OR9Q1: variants seen among roughly 807,000 people sequenced by gnomAD.
The protein encoded by OR9Q1 is olfactory receptor family 9 subfamily Q member 1.
For missense variants in OR9Q1, 374 were observed against 378.8 expected (o/e 0.99, Z 0.11); for synonymous variants, 153 against 148.6 (o/e 1.03, Z -0.22).
rs147796936 is a variant in OR9Q1, at chr11:58,072,009, C to T, written c.-15+16062C>T. On this transcript the variant is annotated intron_variant, in intron 2 of 2. Coordinates refer to ENST00000335397, the MANE Select transcript of OR9Q1 (RefSeq NM_001005212.4). ...AAATAATCAGTACAACAGACCCTTACGACATGAGTTTACCTATGTAACAAA... is the reference window on the plus strand; with the variant it reads ...AAATAATCAGTACAACAGACCCTTATGACATGAGTTTACCTATGTAACAAA... 8.1e-4 allele frequency among the ~76,000 whole-genome samples: 123 copies of T among 152,208 alleles called. 1 individual carries two copies. Among genetic ancestry groups the T allele is most frequent in the African/African-American group, 2.3e-3 (94 of 41,516 alleles).
At chr11:58,109,982 A>G (rs1011652474) in intron 2 of OR9Q1, among the ~76,000 whole-genome samples, 5 of 152,166 alleles carry the variant, frequency 3.3e-5, no homozygotes, top group Non-Finnish European at 7.4e-5. Context: ...CCTCTGTGCT[A>G]GAATAATCTC....
At chr11:58,055,270 A>G (rs1219575521) in intron 1 of OR9Q1, among the ~76,000 whole-genome samples, 3 of 152,132 alleles carry the variant, frequency 2.0e-5, no homozygotes, top group Non-Finnish European at 4.4e-5. Flanking sequence ...AAAGGTGTTT[A>G]CTGTTATTTT....
intron 2 of OR9Q1, among the ~76,000 whole-genome samples, chr11:58,146,813 G>A (rs1022334842): frequency 6.6e-6 from 1 of 152,154 alleles, no homozygotes; most frequent in Non-Finnish European, 1.5e-5. Flanking sequence ...CTGTGAAATG[G>A]GATGCCTTGA....
At chr11:58,104,728 A>T (rs1223148028) in intron 2 of OR9Q1, among the ~76,000 whole-genome samples, 2 of 152,110 alleles carry the variant, frequency 1.3e-5, no homozygotes, top group Non-Finnish European at 2.9e-5. Flanking sequence ...CAATGCACTG[A>T]AGCAGTAAAT....
At position 58,180,625 on chromosome 11, in the gene OR9Q1, A is replaced by C; in HGVS notation, c.*248A>C. The C allele has an allele frequency of 2.8e-6, 1 of 363,268 alleles. No homozygotes were observed. Among genetic ancestry groups the C allele is most frequent in the Non-Finnish European group, 5.2e-6 (1 of 193,150 alleles). The allele number at this position is 363,268 out of a possible 1,614,324, so 22.5% of individuals were successfully genotyped here. A position where few individuals can be genotyped will look rare whatever the true frequency, so the allele number is the denominator to read the frequency against. ...AAGGATTTGAAATTAAAGCCTGTGCAATCCAAATATGGCACACTTCACCTG... is the reference window on the plus strand; with the variant it reads ...AAGGATTTGAAATTAAAGCCTGTGCCATCCAAATATGGCACACTTCACCTG... On this transcript the variant is annotated 3_prime_UTR_variant, in exon 3 of 3. Coordinates refer to ENST00000335397, the MANE Select transcript of OR9Q1 (RefSeq NM_001005212.4).
At chr11:58,102,039 C>G (rs1169474997) in intron 2 of OR9Q1, among the ~76,000 whole-genome samples, 3 of 152,300 alleles carry the variant, frequency 2.0e-5, no homozygotes, top group East Asian at 1.9e-4. Flanking sequence ...AGCCACCACG[C>G]CCGGCCATCT....
At position 58,165,110 on chromosome 11, in the gene OR9Q1, C is replaced by A. The variant is rs569832054; in HGVS notation, c.-14-14321C>A. On this transcript the variant is annotated intron_variant, in intron 2 of 2. Transcript: ENST00000335397. ...TTTTGTGTTATTTTCTGTCACTCCA[C>A]AAGAATGCAAGCTCATAGGAGCAGG... Among the ~76,000 whole-genome samples, 7 of 152,324 alleles carry A rather than the reference C, an allele frequency of 4.6e-5. No individual in the cohort carries two copies. The South Asian group carries it at 1.5e-3, about 32-fold the overall frequency.
At chr11:58,052,957 T>A (rs1853281149) in intron 1 of OR9Q1, among the ~76,000 whole-genome samples, 1 of 151,728 alleles carries the variant, frequency 6.6e-6, no homozygotes, top group Non-Finnish European at 1.5e-5. Context: ...CAACAGGTGC[T>A]GGAGAGGATG....
chr11:58,100,311 C>T (rs1470972051), intron 2 of OR9Q1, among the ~76,000 whole-genome samples: 1 of 152,130 alleles, frequency 6.6e-6, no homozygotes, highest in African/African-American at 2.4e-5. Context: ...GCAACACATA[C>T]CCTTAATTTA....
intron 2 of OR9Q1, among the ~76,000 whole-genome samples, chr11:58,163,565 C>T (rs1179960988): frequency 6.6e-6 from 1 of 152,234 alleles, no homozygotes; most frequent in East Asian, 1.9e-4. Flanking sequence ...GCTGTCTGTG[C>T]CAGTTGCTTC....
At chr11:58,038,196 A>G (rs182019204) in intron 1 of OR9Q1, among the ~76,000 whole-genome samples, 20 of 152,306 alleles carry the variant, frequency 1.3e-4, no homozygotes. Flanking sequence ...TATTTACATT[A>G]CAAATTAAAA....
intron 2 of OR9Q1, among the ~76,000 whole-genome samples, chr11:58,153,210 G>A (rs1854371232): frequency 6.6e-6 from 1 of 152,208 alleles, no homozygotes; most frequent in Non-Finnish European, 1.5e-5. Flanking sequence ...ATTAGAGGAG[G>A]CACTGGGGAT....
At chr11:58,078,270 T>C (rs1853558389) in intron 2 of OR9Q1, 1 of 152,198 alleles carries the variant, frequency 6.6e-6, no homozygotes, top group African/African-American at 2.4e-5. Context: ...TTATGGTCAT[T>C]GCTGTTGGCA....
intron 2 of OR9Q1, among the ~76,000 whole-genome samples, chr11:58,069,754 C>T (rs141471076): frequency 6.6e-6 from 1 of 151,842 alleles, no homozygotes; most frequent in Non-Finnish European, 1.5e-5. Context: ...GCCTGTAGTC[C>T]TAGCTACGGG....
intron 1 of OR9Q1, among the ~76,000 whole-genome samples, chr11:58,025,936 T>G (rs1852969416): frequency 6.6e-6 from 1 of 152,160 alleles, no homozygotes; most frequent in African/African-American, 2.4e-5. Context: ...AGTTAAGGAT[T>G]GCCTTCTTTC....
chr11:58,167,732 T>G (rs1854518628), intron 2 of OR9Q1, among the ~76,000 whole-genome samples: 1 of 152,122 alleles, frequency 6.6e-6, no homozygotes, highest in Admixed American at 6.6e-5. Context: ...GAAACAAGTG[T>G]GCTTTCCTCT....
intron 2 of OR9Q1, chr11:58,171,123 A>T (rs1196912419): frequency 1.3e-5 from 2 of 152,224 alleles, no homozygotes; most frequent in East Asian, 3.8e-4. Flanking sequence ...AATCCTAGAT[A>T]GTAATAGATT....
chr11:58,172,095 A>T (rs773987206), intron 2 of OR9Q1, among the ~76,000 whole-genome samples: 1 of 152,206 alleles, frequency 6.6e-6, no homozygotes, highest in Non-Finnish European at 1.5e-5. Flanking sequence ...TGCCATCCAG[A>T]CAAAGAATGC....
At chr11:58,024,154 A>G (rs1431905496) in intron 1 of OR9Q1, 50 bp downstream of exon 1, 2 of 152,300 alleles carry the variant, frequency 1.3e-5, no homozygotes, top group Admixed American at 1.3e-4. Flanking sequence ...CTGTTAACAC[A>G]GGGGGCTGTC....
Sources: allele counts gnomAD v4.1 joint callset (sites outside exome capture counted in the v4.1 genomes callset), GRCh38; gene constraint gnomAD v4.1.1; transcripts MANE v1.5; gene names NCBI Gene and HGNC (gene_info 2026-07-23, HGNC 2026-07-21).